The following DCHS2 variants were observed in gnomAD, a reference collection of about 807,000 sequenced individuals.
The protein encoded by DCHS2 is protocadherin-23.
DCHS2 carries 142 observed loss-of-function variants against 182.4 expected under a neutral mutation model. The observed-to-expected ratio is 0.78, with a 90% CI of 0.68 to 0.89. DCHS2 has a LOEUF of 0.89. Among genes scored for constraint, DCHS2 ranks in the 40% least tolerant of loss-of-function variants. DCHS2 has a pLI of 0.00. For missense variants in DCHS2, 4,319 were observed against 4,198.6 expected, an observed-to-expected ratio of 1.03 and a Z score of -0.79; for synonymous variants, 1,740 against 1,663.3, an observed-to-expected ratio of 1.05 and a Z score of -1.12.
chr4:154,443,158 T>C (rs1166098013), intron 1 of DCHS2, among the ~76,000 whole-genome samples: 1 of 152,120 alleles, frequency 6.6e-6, no homozygotes, highest in Non-Finnish European at 1.5e-5. Context: ...GTCACCCCCA[T>C]GCCCAAACCC....
intron 1 of DCHS2, among the ~76,000 whole-genome samples, chr4:154,397,012 G>A (rs907587871): frequency 2.0e-5 from 3 of 152,120 alleles, no homozygotes; most frequent in African/African-American, 4.8e-5. Flanking sequence ...GACAAGAAAG[G>A]CATCCTTGTT....
intron 1 of DCHS2, among the ~76,000 whole-genome samples, chr4:154,453,604 C>T (rs1004141555): frequency 3.3e-5 from 5 of 152,138 alleles, no homozygotes; most frequent in Non-Finnish European, 5.9e-5. Context: ...GTAGAGGACC[C>T]CCTGGTCTAA....
intron 1 of DCHS2, among the ~76,000 whole-genome samples, chr4:154,459,664 C>A (rs1314446939): frequency 6.6e-6 from 1 of 151,612 alleles, no homozygotes; most frequent in Non-Finnish European, 1.5e-5. Flanking sequence ...TGGCAGGAGA[C>A]TGAGGGCCAA....
At chr4:154,411,110 T>C (rs1001361263) in intron 1 of DCHS2, among the ~76,000 whole-genome samples, 3 of 152,204 alleles carry the variant, frequency 2.0e-5, no homozygotes, top group Admixed American at 2.0e-4. Flanking sequence ...GAGAACATTA[T>C]GCTAAATCAA....
chr4:154,449,780 C>T (rs1050253067), intron 1 of DCHS2, among the ~76,000 whole-genome samples: 3 of 152,140 alleles, frequency 2.0e-5, no homozygotes, highest in Non-Finnish European at 4.4e-5. Flanking sequence ...AGATGTTTAA[C>T]TTATTAGACA....
chr4:154,336,205 G>A (rs1053001283), intron 3 of DCHS2, among the ~76,000 whole-genome samples: 12 of 152,180 alleles, frequency 7.9e-5, no homozygotes, highest in Non-Finnish European at 1.5e-4. Context: ...TTAGGCTTAT[G>A]CATGTAGAGT....
At chr4:154,447,624 G>T (rs1283142486) in intron 1 of DCHS2, among the ~76,000 whole-genome samples, 1 of 152,160 alleles carries the variant, frequency 6.6e-6, no homozygotes, top group African/African-American at 2.4e-5. Context: ...GATGGAGCTT[G>T]AGGAAAAATC....
intron 14 of DCHS2, among the ~76,000 whole-genome samples, chr4:154,264,291 A>G (rs1481942919): frequency 6.6e-6 from 1 of 152,166 alleles, no homozygotes; most frequent in Non-Finnish European, 1.5e-5. Flanking sequence ...ACAGAACCAA[A>G]CATCAAAGGC....
intron 1 of DCHS2, among the ~76,000 whole-genome samples, chr4:154,415,747 A>G (rs1732806252): frequency 6.6e-6 from 1 of 152,210 alleles, no homozygotes; most frequent in Non-Finnish European, 1.5e-5. Flanking sequence ...CTATGAGATC[A>G]GATTCAGCCC....
chr4:154,376,009 TA>T (rs934703391), intron 2 of DCHS2, among the ~76,000 whole-genome samples: 21 of 152,022 alleles, frequency 1.4e-4, no homozygotes, highest in Non-Finnish European at 2.9e-4. Context: ...CACTGAAAGT[TA>T]AAAAAATTGG....
At chr4:154,333,813 T>A (rs1012128337) in intron 4 of DCHS2, 3 of 334,038 alleles carry the variant, frequency 9.0e-6, no homozygotes, top group East Asian at 1.2e-4. Flanking sequence ...ACCATCCAGG[T>A]TCGTGTGAGT....
At chr4:154,293,459 G>A (rs1432926933) in intron 13 of DCHS2, among the ~76,000 whole-genome samples, 2 of 152,128 alleles carry the variant, frequency 1.3e-5, no homozygotes, top group East Asian at 3.9e-4. Context: ...TGGGATTACA[G>A]GCGTGAACCA....
At chr4:154,452,649 C>CA (rs70947168) in intron 1 of DCHS2, among the ~76,000 whole-genome samples, 46,804 of 150,518 alleles carry the variant, frequency 0.31, 8,299 homozygotes, top group South Asian at 0.47. Context: ...AACAAAAAAA[C>CA]AAAAAAAAAC....
intron 13 of DCHS2, among the ~76,000 whole-genome samples, chr4:154,294,437 C>T (rs1345054266): frequency 6.6e-6 from 1 of 152,080 alleles, no homozygotes; most frequent in East Asian, 1.9e-4. Context: ...TAGTTGATTT[C>T]TTGATGCTTG....
chr4:154,239,191 A>C lies in DCHS2; in HGVS notation c.7471T>G (p.Phe2491Val). The C allele has an allele frequency of 6.2e-7, 1 of 1,612,842 alleles. No individual in the cohort carries two copies. The highest frequency in any genetic ancestry group is 1.3e-5 in the African/African-American group (1 of 74,972). Residue 2491 changes from phenylalanine (F) to valine (V), a missense_variant, in exon 19 of 20, where the codon TTC (phenylalanine) becomes GTC (valine). Phe to Val is a conservative substitution (Grantham distance 50, BLOSUM62 -1). Transcript: ENST00000357232. ...SYRILSSSKE[F>V]SIDPKNGTIF... ...TCACCATTCTTAGGATCAATGGAGA[A>C]TTCCTTAGAAGAGGATAGAATTCTG... is the stretch of plus-strand genomic sequence containing the variant.
At chr4:154,452,638 A>G (rs960017930) in intron 1 of DCHS2, among the ~76,000 whole-genome samples, 1 of 133,632 alleles carries the variant, frequency 7.5e-6, no homozygotes, top group Admixed American at 8.6e-5. Flanking sequence ...ACAAACAAAC[A>G]AACAAAAAAA....
intron 1 of DCHS2, among the ~76,000 whole-genome samples, chr4:154,487,042 C>T (rs777713955): frequency 2.3e-4 from 35 of 152,214 alleles, no homozygotes; most frequent in Middle Eastern, 3.4e-3. Flanking sequence ...AATCATCTCA[C>T]GATGATAGAA....
chr4:154,363,587 C>T (rs1352444189), intron 3 of DCHS2, among the ~76,000 whole-genome samples: 1 of 152,104 alleles, frequency 6.6e-6, no homozygotes, highest in Non-Finnish European at 1.5e-5. Flanking sequence ...CCAAAGGTTA[C>T]AAAGGTTCAG....
chr4:154,421,011 GA>G (rs886653117), intron 1 of DCHS2, among the ~76,000 whole-genome samples: 25 of 151,476 alleles, frequency 1.7e-4, no homozygotes, highest in African/African-American at 5.6e-4. Flanking sequence ...ACCATCATTG[GA>G]AAAAAAAGGC....
Sources: gnomAD v4.1 joint callset for allele counts (sites outside exome capture counted in the v4.1 genomes callset) on GRCh38, gnomAD v4.1.1 for gene constraint, MANE v1.5 for transcripts, NCBI Gene and HGNC (gene_info 2026-07-23, HGNC 2026-07-21) for gene names.